Variants in CAP2 observed in about 807,000 individuals in gnomAD.
The protein encoded by CAP2 is cyclase associated actin cytoskeleton regulatory protein 2.
CAP2 carries 24 observed loss-of-function variants against 57.7 expected under a neutral mutation model. That is an observed-to-expected ratio of 0.42 (90% CI 0.30 to 0.58). The LOEUF (loss-of-function observed/expected upper bound fraction) is 0.58. Ranked by LOEUF, CAP2 falls within the 20% of genes least tolerant of loss-of-function variation. The probability of loss-of-function intolerance (pLI) is 0.22; values close to 1 mark genes in which losing one functional copy is unlikely to be tolerated. For synonymous variants in CAP2, 194 were observed against 207.2 expected (o/e 0.94, Z 0.55); for missense variants, 501 against 590.3 (o/e 0.85, Z 1.57).
At chr6:17,449,572 A>G (rs1372324705) in intron 3 of CAP2, among the ~76,000 whole-genome samples, 1 of 151,740 alleles carries the variant, frequency 6.6e-6, no homozygotes, top group African/African-American at 2.4e-5. Flanking sequence ...ATGCTTGGCT[A>G]ATTTTTTGTA....
intron 7 of CAP2, among the ~76,000 whole-genome samples, chr6:17,518,600 T>A (rs560930558): frequency 8.5e-5 from 13 of 152,348 alleles, no homozygotes; most frequent in African/African-American, 2.9e-4. Context: ...TGTTGATGTT[T>A]GTGGACACCA....
chr6:17,480,656 C>CA, intron 4 of CAP2, among the ~76,000 whole-genome samples: 1 of 152,052 alleles, frequency 6.6e-6, no homozygotes, highest in South Asian at 2.1e-4. Context: ...TTGCGCCTGA[C>CA]AAATGGAAGC....
At chr6:17,398,195 G>A (rs1758718927) in intron 1 of CAP2, among the ~76,000 whole-genome samples, 1 of 152,142 alleles carries the variant, frequency 6.6e-6, no homozygotes, top group Non-Finnish European at 1.5e-5. Flanking sequence ...AGGATGAGAG[G>A]GAGGACAACT....
At chr6:17,435,717 T>TAA (rs1187314233) in intron 3 of CAP2, among the ~76,000 whole-genome samples, 24 of 77,836 alleles carry the variant, frequency 3.1e-4, no homozygotes, top group African/African-American at 6.6e-4. Context: ...AGTTTACGGA[T>TAA]AAAAAAAAAA....
chr6:17,435,706 A>T (rs1316804573), intron 3 of CAP2, among the ~76,000 whole-genome samples: 2 of 87,460 alleles, frequency 2.3e-5, no homozygotes, highest in East Asian at 3.2e-4. Context: ...AAAAAAAAAG[A>T]AGTTTACGGA....
chr6:17,424,893 C>A (rs1461929793), intron 2 of CAP2, among the ~76,000 whole-genome samples: 1 of 152,224 alleles, frequency 6.6e-6, no homozygotes, highest in Non-Finnish European at 1.5e-5. Context: ...CCGCTCGGGC[C>A]TCTTCCATAG....
At position 17,543,133 on chromosome 6, in the gene CAP2, T is replaced by C; in HGVS notation, c.1199T>C (p.Ile400Thr). The C allele has an allele frequency of 6.2e-7, 1 of 1,613,390 alleles. No individual in the cohort carries two copies. The change falls in exon 11 of 13, where the codon ATT (isoleucine) becomes ACT (threonine). Residue 400 changes from isoleucine to threonine, a missense_variant. Ile to Thr is a moderately conservative substitution (Grantham distance 89). Transcript: ENST00000229922. ...GIVEVINSQD[I>T]QIQVMGRVPT... Reference sequence around the variant, plus strand: ...GTGGAAGTGATCAACTCCCAGGACATTCAAATCCAGGTAAGCAGAGCCTTT... The same window carrying C: ...GTGGAAGTGATCAACTCCCAGGACACTCAAATCCAGGTAAGCAGAGCCTTT...
At chr6:17,426,554 A>G (rs368754360) in intron 2 of CAP2, 36 bp from the exon 3 acceptor site, 6 of 1,509,692 alleles carry the variant, frequency 4.0e-6, no homozygotes, top group South Asian at 3.4e-5. Flanking sequence ...TTTTCATTCA[A>G]CGGCCAGGGA....
At chr6:17,461,218 C>CTTT (rs35423332) in intron 3 of CAP2, among the ~76,000 whole-genome samples, 15 of 147,972 alleles carry the variant, frequency 1.0e-4, no homozygotes, top group Non-Finnish European at 1.2e-4. Context: ...TCTTTGAAAC[C>CTTT]TTTTTTTTTT....
intron 1 of CAP2, among the ~76,000 whole-genome samples, chr6:17,410,972 T>G: frequency 6.6e-6 from 1 of 152,232 alleles, no homozygotes; most frequent in Non-Finnish European, 1.5e-5. Flanking sequence ...TGACCCAATT[T>G]AAATGTCCTA....
At chr6:17,536,392 G>A (rs1433579336) in intron 7 of CAP2, 3 of 433,102 alleles carry the variant, frequency 6.9e-6, no homozygotes, top group East Asian at 1.4e-4. Flanking sequence ...CAAGAGCCCG[G>A]TATTGTGCTC....
At chr6:17,551,076 G>C (rs1321870634) in intron 11 of CAP2, among the ~76,000 whole-genome samples, 2 of 152,164 alleles carry the variant, frequency 1.3e-5, no homozygotes, top group African/African-American at 4.8e-5. Context: ...TTTGTCAAAA[G>C]TAAAATTTCA....
intron 3 of CAP2, among the ~76,000 whole-genome samples, chr6:17,442,531 C>T (rs564089618): frequency 3.7e-4 from 57 of 152,146 alleles, no homozygotes; most frequent in Non-Finnish European, 7.3e-4. Context: ...TTGAGTCTCA[C>T]ATGCATGATA....
At chr6:17,544,611 C>T (rs796441658) in intron 11 of CAP2, among the ~76,000 whole-genome samples, 1 of 151,450 alleles carries the variant, frequency 6.6e-6, no homozygotes, top group Non-Finnish European at 1.5e-5. Context: ...CCAGGCCAGG[C>T]GCAATCTCGG....
At chr6:17,409,607 T>C (rs1230699323) in intron 1 of CAP2, among the ~76,000 whole-genome samples, 2 of 152,162 alleles carry the variant, frequency 1.3e-5, no homozygotes, top group East Asian at 3.9e-4. Flanking sequence ...TCCTGAGGCA[T>C]GTATTATTAT....
At chr6:17,549,145 A>T (rs1222814584) in intron 11 of CAP2, among the ~76,000 whole-genome samples, 1 of 152,222 alleles carries the variant, frequency 6.6e-6, no homozygotes, top group Non-Finnish European at 1.5e-5. Flanking sequence ...ATTTGTATCT[A>T]GAATTTATAA....
At chr6:17,409,960 G>A (rs1301961461) in intron 1 of CAP2, among the ~76,000 whole-genome samples, 4 of 152,178 alleles carry the variant, frequency 2.6e-5, no homozygotes, top group Admixed American at 2.0e-4. Context: ...CTACTCATCA[G>A]TCCCTTGTTT....
At chr6:17,405,149 G>T (rs878902547) in intron 1 of CAP2, among the ~76,000 whole-genome samples, 1 of 152,188 alleles carries the variant, frequency 6.6e-6, no homozygotes, top group African/African-American at 2.4e-5. Context: ...TTGGGAGGCC[G>T]AGGCGGGTGG....
intron 4 of CAP2, among the ~76,000 whole-genome samples, chr6:17,504,809 TTTCTA>T (rs1761934521): frequency 6.6e-6 from 1 of 152,212 alleles, no homozygotes; most frequent in South Asian, 2.1e-4. Flanking sequence ...CCTCTGATAT[TTTCTA>T]TTCTAATCTA....
Sources: allele counts gnomAD v4.1 joint callset (sites outside exome capture counted in the v4.1 genomes callset), GRCh38; gene constraint gnomAD v4.1.1; transcripts MANE v1.5; gene names NCBI Gene and HGNC (gene_info 2026-07-23, HGNC 2026-07-21).